CHM: variants seen among roughly 807,000 people sequenced by gnomAD.
CHM encodes CHM Rab escort protein, also known as rab proteins geranylgeranyltransferase component A 1.
Under a neutral mutation model 49.0 loss-of-function variants are expected in CHM, and 10 were observed. The ratio of observed to expected loss-of-function variants is 0.20; its 90% CI spans 0.13 to 0.35. CHM has a LOEUF of 0.35. Ranked by LOEUF, CHM falls within the 10% of genes least tolerant of loss-of-function variation. The pLI is 1.00. For synonymous variants in CHM, 184 were observed against 167.5 expected (o/e 1.10, Z -0.76); for missense variants, 455 against 478.4 (o/e 0.95, Z 0.46).
chrX:85,999,574 A>C (rs1054667291), intron 2 of CHM, among the ~76,000 whole-genome samples: 3 of 111,824 alleles, frequency 2.7e-5, no homozygotes, highest in Non-Finnish European at 5.7e-5. Context: ...TTCAAGTATA[A>C]ACTTCTGTGC....
chrX:85,882,840 G>A (rs978633989), intron 12 of CHM, among the ~76,000 whole-genome samples: 1 of 111,304 alleles, frequency 9.0e-6, no homozygotes, highest in Non-Finnish European at 1.9e-5. Flanking sequence ...CAAGTCCAAT[G>A]TACAGTAGCA....
chrX:86,016,427 C>T (rs770459833), intron 2 of CHM, among the ~76,000 whole-genome samples: 15 of 111,871 alleles, frequency 1.3e-4, no homozygotes, highest in African/African-American at 4.5e-4. Context: ...TGGGCCAAGC[C>T]GGGGATCCCC....
chrX:85,867,124 C>T (rs951120629), intron 14 of CHM, among the ~76,000 whole-genome samples: 2 of 111,609 alleles, frequency 1.8e-5, no homozygotes, highest in Admixed American at 9.5e-5. Context: ...TATGTCCCTA[C>T]CCAAATCTCA....
intron 1 of CHM, among the ~76,000 whole-genome samples, chrX:86,038,870 TA>T (rs1436527164): frequency 8.9e-6 from 1 of 112,341 alleles, no homozygotes; most frequent in Admixed American, 9.4e-5. Context: ...CTCTCCAAAA[TA>T]AAACAACTGC....
At chrX:86,010,365 A>G (rs768538935) in intron 2 of CHM, among the ~76,000 whole-genome samples, 329 of 109,543 alleles carry the variant, frequency 3.0e-3, no homozygotes, top group African/African-American at 0.01. Flanking sequence ...AAAAAAAAAA[A>G]AAAGAAAGAA....
At chrX:85,892,471 G>A (rs1387425187) in intron 12 of CHM, among the ~76,000 whole-genome samples, 4 of 110,903 alleles carry the variant, frequency 3.6e-5, no homozygotes, top group Non-Finnish European at 7.6e-5. Context: ...GGTTTATCAG[G>A]GGTTTCCGCT....
intron 1 of CHM, among the ~76,000 whole-genome samples, chrX:86,037,186 G>A (rs1268928287): frequency 3.0e-5 from 3 of 98,899 alleles, no homozygotes; most frequent in Non-Finnish European, 4.0e-5. Flanking sequence ...GCACAGTCTC[G>A]GCTCACTGCA....
intron 8 of CHM, among the ~76,000 whole-genome samples, chrX:85,920,314 T>G (rs758427462): frequency 2.7e-5 from 3 of 110,639 alleles, no homozygotes; most frequent in South Asian, 3.9e-4. Flanking sequence ...GCCAGGATGG[T>G]CTCGATCTCC....
chrX:86,012,284 G>A (rs1933110116), intron 2 of CHM, among the ~76,000 whole-genome samples: 1 of 111,626 alleles, frequency 9.0e-6, no homozygotes, highest in Admixed American at 9.5e-5. Flanking sequence ...TATGAGGAAA[G>A]TGAAAATCGC....
At chrX:86,016,046 C>A (rs774102269) in intron 2 of CHM, among the ~76,000 whole-genome samples, 2 of 110,863 alleles carry the variant, frequency 1.8e-5, no homozygotes, top group Admixed American at 1.9e-4. Context: ...GGCACAAGAA[C>A]CACTTGAACC....
At chrX:85,909,394 C>T (rs924887833) in intron 9 of CHM, among the ~76,000 whole-genome samples, 2 of 111,110 alleles carry the variant, frequency 1.8e-5, no homozygotes, top group Admixed American at 1.9e-4. Flanking sequence ...TAAGGACTTC[C>T]TATACTAGAT....
chrX:85,981,449 G>T (rs1931605906), intron 3 of CHM, among the ~76,000 whole-genome samples: 1 of 109,443 alleles, frequency 9.1e-6, no homozygotes, highest in Admixed American at 9.8e-5. Flanking sequence ...GGCCAGGCTG[G>T]TCTCGAACTC....
chrX:85,879,311 T>C (rs1401272551), intron 12 of CHM, among the ~76,000 whole-genome samples: 1 of 111,935 alleles, frequency 8.9e-6, no homozygotes, highest in Non-Finnish European at 1.9e-5. Flanking sequence ...GTTATACTTA[T>C]GACATTCCTA....
chrX:85,981,979 G>T (rs918335448), intron 2 of CHM, among the ~76,000 whole-genome samples, 170 bp from the exon 3 acceptor site: 2 of 111,367 alleles, frequency 1.8e-5, no homozygotes, highest in Non-Finnish European at 3.8e-5. Flanking sequence ...AGTGGAAGTG[G>T]TAGGCTAAAA....
chrX:85,904,923 T>G (rs1254245174), intron 9 of CHM, among the ~76,000 whole-genome samples: 1 of 111,960 alleles, frequency 8.9e-6, no homozygotes, highest in Non-Finnish European at 1.9e-5. Context: ...AAACAAAAAT[T>G]GTATATAGTC....
At chrX:86,010,238 A>T (rs1216971073) in intron 2 of CHM, among the ~76,000 whole-genome samples, 4 of 101,111 alleles carry the variant, frequency 4.0e-5, no homozygotes, top group Non-Finnish European at 6.0e-5. Context: ...TAGTGTTAGG[A>T]GAAATACCTA....
At chrX:85,909,396 A>C in intron 9 of CHM, among the ~76,000 whole-genome samples, 1 of 111,261 alleles carries the variant, frequency 9.0e-6, no homozygotes, top group South Asian at 3.8e-4. Flanking sequence ...AGGACTTCCT[A>C]TACTAGATTC....
chrX:85,977,619 C>T (rs991722790), intron 4 of CHM, among the ~76,000 whole-genome samples: 6 of 112,115 alleles, frequency 5.4e-5, no homozygotes, highest in Admixed American at 3.8e-4. Flanking sequence ...CACAAAAGCA[C>T]GTAAGAAAGT....
chrX:86,047,261 T>C (rs537321215), intron 1 of CHM: 1 of 459,542 alleles, frequency 2.2e-6, no homozygotes, highest in Non-Finnish European at 3.9e-6. Flanking sequence ...GCAATCAGCA[T>C]CGACCAGATC....
Sources: allele counts gnomAD v4.1 joint callset (sites outside exome capture counted in the v4.1 genomes callset), GRCh38; gene constraint gnomAD v4.1.1; transcripts MANE v1.5; gene names NCBI Gene and HGNC (gene_info 2026-07-23, HGNC 2026-07-21).